Variants in CERS6 observed in about 807,000 individuals in gnomAD.
CERS6 encodes ceramide synthase 6.
Under a neutral mutation model 56.8 loss-of-function variants are expected in CERS6, and 26 were observed. That is an observed-to-expected ratio of 0.46 (90% confidence interval 0.34 to 0.63). The LOEUF is 0.63. CERS6 is among the 30% of genes least tolerant of loss of function. The pLI is 0.01. For missense variants in CERS6, 415 were observed against 467.5 expected, an observed-to-expected ratio of 0.89 and a Z score of 1.04; for synonymous variants, 164 against 173.3, an observed-to-expected ratio of 0.95 and a Z score of 0.42.
chr2:168,505,508 C>A (rs73018566), intron 1 of CERS6, among the ~76,000 whole-genome samples: 14,832 of 151,984 alleles, frequency 0.098, 1,386 homozygotes, highest in African/African-American at 0.24. Flanking sequence ...ACAAGGGGAC[C>A]CAGCAGATCA....
At chr2:168,460,332 C>G (rs1198607181) in intron 1 of CERS6, among the ~76,000 whole-genome samples, 1 of 151,908 alleles carries the variant, frequency 6.6e-6, no homozygotes, top group African/African-American at 2.4e-5. Flanking sequence ...GTAGCTAGGA[C>G]CACAGGTGCA....
At chr2:168,695,251 C>T (rs1193057566) in intron 6 of CERS6, among the ~76,000 whole-genome samples, 200 bp downstream of exon 6, 2 of 152,054 alleles carry the variant, frequency 1.3e-5, no homozygotes, top group East Asian at 3.9e-4. Flanking sequence ...TCGCTCATCC[C>T]CTAAAACTCA....
At chr2:168,577,718 A>G (rs1683311571) in intron 3 of CERS6, among the ~76,000 whole-genome samples, 1 of 152,174 alleles carries the variant, frequency 6.6e-6, no homozygotes, top group South Asian at 2.1e-4. Flanking sequence ...AGGGAGGCAG[A>G]GTCAGGTAAG....
chr2:168,704,581 AAG>A (rs765608415), intron 6 of CERS6, among the ~76,000 whole-genome samples: 7 of 151,816 alleles, frequency 4.6e-5, no homozygotes, highest in Non-Finnish European at 1.0e-4. Flanking sequence ...CCTTCCACTC[AAG>A]GCTCACCCTT....
intron 3 of CERS6, among the ~76,000 whole-genome samples, chr2:168,587,492 A>G (rs1183179734): frequency 6.6e-6 from 1 of 152,180 alleles, no homozygotes; most frequent in African/African-American, 2.4e-5. Context: ...CTCCTTGCCA[A>G]GGGCCTTTGT....
intron 4 of CERS6, among the ~76,000 whole-genome samples, chr2:168,639,052 G>T (rs962147205): frequency 6.6e-6 from 1 of 151,754 alleles, no homozygotes; most frequent in Non-Finnish European, 1.5e-5. Context: ...AAAAAAAAAA[G>T]AACGCATGTC....
intron 1 of CERS6, among the ~76,000 whole-genome samples, chr2:168,541,042 C>T (rs1695358587): frequency 6.6e-6 from 1 of 152,146 alleles, no homozygotes; most frequent in East Asian, 1.9e-4. Flanking sequence ...AGGCTGCTTC[C>T]ACTCATGATG....
chr2:168,751,311 T>C (rs1684260368), intron 8 of CERS6, among the ~76,000 whole-genome samples: 1 of 152,196 alleles, frequency 6.6e-6, no homozygotes, highest in Non-Finnish European at 1.5e-5. Flanking sequence ...AGGTACTTTT[T>C]TATGACCCAG....
intron 1 of CERS6, among the ~76,000 whole-genome samples, chr2:168,483,538 TC>T (rs1694215709): frequency 1.3e-5 from 2 of 152,202 alleles, no homozygotes; most frequent in Admixed American, 6.5e-5. Flanking sequence ...TGTGTCTTTT[TC>T]CTGACTTAAA....
intron 6 of CERS6, 81 bp downstream of exon 6, chr2:168,695,132 C>A: frequency 9.8e-7 from 1 of 1,019,726 alleles, no homozygotes; most frequent in Non-Finnish European, 1.5e-6. Flanking sequence ...CTCTCAAAGG[C>A]ACTCACCCCT....
intron 3 of CERS6, 94 bp downstream of exon 3, chr2:168,561,416 C>T (rs1695786922): frequency 7.2e-7 from 1 of 1,379,598 alleles, no homozygotes; most frequent in Non-Finnish European, 9.9e-7. Context: ...CTTCAGCAGC[C>T]CTTAAAAAGC....
intron 8 of CERS6, among the ~76,000 whole-genome samples, chr2:168,720,941 A>G (rs557112483): frequency 6.6e-6 from 1 of 152,346 alleles, no homozygotes; most frequent in East Asian, 1.9e-4. Context: ...CATGTACCAT[A>G]TAGCTATGCT....
At chr2:168,704,196 C>T (rs1313083369) in intron 6 of CERS6, among the ~76,000 whole-genome samples, 2 of 152,162 alleles carry the variant, frequency 1.3e-5, no homozygotes, top group South Asian at 2.1e-4. Context: ...CTCATAGACT[C>T]AGCCACATAC....
At chr2:168,684,292 A>C (rs1045609447) in intron 4 of CERS6, among the ~76,000 whole-genome samples, 1 of 152,118 alleles carries the variant, frequency 6.6e-6, no homozygotes, top group Non-Finnish European at 1.5e-5. Flanking sequence ...TCACATGTCT[A>C]CTGTCCCAGG....
chr2:168,625,957 C>T (rs900516176), intron 3 of CERS6, among the ~76,000 whole-genome samples: 3 of 152,138 alleles, frequency 2.0e-5, no homozygotes, highest in African/African-American at 7.2e-5. Flanking sequence ...TTAGAAACAT[C>T]ATTTTAGCTG....
intron 8 of CERS6, among the ~76,000 whole-genome samples, chr2:168,764,669 G>A (rs1684680403): frequency 6.6e-6 from 1 of 152,000 alleles, no homozygotes; most frequent in African/African-American, 2.4e-5. Flanking sequence ...CTTAAGTAAT[G>A]TTTAGGAGTT....
intron 8 of CERS6, among the ~76,000 whole-genome samples, chr2:168,736,970 T>C (rs183009153): frequency 2.4e-4 from 36 of 152,064 alleles, no homozygotes; most frequent in African/African-American, 8.7e-4. Context: ...TCTGACTCTA[T>C]TTTCGGTGGA....
intron 1 of CERS6, among the ~76,000 whole-genome samples, chr2:168,542,800 G>A (rs750095429): frequency 6.6e-6 from 1 of 152,090 alleles, no homozygotes; most frequent in African/African-American, 2.4e-5. Flanking sequence ...GGGTTCAAGC[G>A]ATTCTCCTGC....
rs1470410867 is a variant in CERS6 at position 168,588,161 on chromosome 2, C to G, written c.407+26839C>G. 9.4e-5 allele frequency among the ~76,000 whole-genome samples: 14 copies of G among 149,060 alleles called. 1 individual carries two copies. In the Admixed American group the frequency reaches 9.5e-4, roughly 10 times the overall value. ...TATCGACCTCCTGGCCTTAAGTATT[C>G]CTCCTGTCTCAGCCTTCCAAAATGT... is the stretch of plus-strand genomic sequence containing the variant. On this transcript the variant is annotated intron_variant, in intron 3 of 9. Transcript: ENST00000305747.
Sources: allele counts gnomAD v4.1 joint callset (sites outside exome capture counted in the v4.1 genomes callset), GRCh38; gene constraint gnomAD v4.1.1; transcripts MANE v1.5; gene names NCBI Gene and HGNC (gene_info 2026-07-23, HGNC 2026-07-21).